CDH26: variants seen among roughly 807,000 people sequenced by gnomAD.
CDH26 encodes cadherin-like protein 26.
Under a neutral mutation model 90.3 loss-of-function variants are expected in CDH26, and 83 were observed. The observed-to-expected ratio is 0.92, with a 90% confidence interval of 0.77 to 1.10. The LOEUF is 1.10. Ranked by LOEUF, CDH26 falls within the 50% of genes least tolerant of loss-of-function variation. The pLI is 0.00. For missense variants in CDH26, 1,013 were observed against 1,037.6 expected, an observed-to-expected ratio of 0.98 and a Z score of 0.33; for synonymous variants, 397 against 396.3, an observed-to-expected ratio of 1.00 and a Z score of -0.02.
chr20:59,967,905 CTTCCTTTCCT>C lies in CDH26; in HGVS notation c.70-1042_70-1033del, dbSNP rs749471979. On this transcript the variant is annotated intron_variant, in intron 1 of 17. Coordinates refer to ENST00000348616, the MANE Select transcript of CDH26 (RefSeq NM_177980.4). ...CCTTCCTTCCTTCCTTCCTTCCTTCCTTCCTTTCCTTTCCTTTCCTTTCCTTTCCCTTTCT... is the reference window on the plus strand; with the variant it reads ...CCTTCCTTCCTTCCTTCCTTCCTTCCTTCCTTTCCTTTCCTTTCCCTTTCT... 1.9e-3 allele frequency among the ~76,000 whole-genome samples: 213 copies of C among 112,160 alleles called. 3 individuals are homozygous for C. In the East Asian group the frequency reaches 0.042, roughly 22 times the overall value. The allele number at this position is 112,160 out of a possible 152,430, so 73.6% of individuals were successfully genotyped here.
At chr20:60,024,771 T>C (rs1278234965) in intron 7 of CDH26, among the ~76,000 whole-genome samples, 1 of 152,230 alleles carries the variant, frequency 6.6e-6, no homozygotes, top group Non-Finnish European at 1.5e-5. Context: ...TCTTCTTTCC[T>C]TATTCTTAAG....
intron 8 of CDH26, among the ~76,000 whole-genome samples, chr20:60,031,730 C>T (rs971771798): frequency 3.3e-5 from 5 of 152,180 alleles, no homozygotes; most frequent in East Asian, 1.9e-4. Flanking sequence ...GTTCTTCCCA[C>T]GCTGGCTCAC....
chr20:59,981,144 T>G (rs745378782), intron 4 of CDH26, among the ~76,000 whole-genome samples: 1 of 152,184 alleles, frequency 6.6e-6, no homozygotes, highest in African/African-American at 2.4e-5. Context: ...ATTTTTATAA[T>G]AAATCTTGAA....
downstream of CDH26, among the ~76,000 whole-genome samples, chr20:60,035,308 C>T (rs1385260730): frequency 6.6e-6 from 1 of 152,188 alleles, no homozygotes; most frequent in Non-Finnish European, 1.5e-5. Context: ...ACAGTCCTAG[C>T]AGTGAAATTC....
At chr20:60,012,036 G>A (rs1265783325) in intron 17 of CDH26, among the ~76,000 whole-genome samples, 6 of 152,076 alleles carry the variant, frequency 3.9e-5, no homozygotes, top group East Asian at 1.9e-4. Context: ...AGTGGTGGCC[G>A]CCCTTTCTTG....
chr20:59,994,713 G>C (rs1198918481), intron 11 of CDH26, among the ~76,000 whole-genome samples: 4 of 152,112 alleles, frequency 2.6e-5, no homozygotes, highest in Non-Finnish European at 5.9e-5. Context: ...TCATCAGGGG[G>C]TAGGAGGCTG....
chr20:60,015,426 C>G (rs2061896791), downstream of CDH26, among the ~76,000 whole-genome samples: 2 of 152,090 alleles, frequency 1.3e-5, no homozygotes, highest in South Asian at 2.1e-4. Flanking sequence ...CATTTTATGT[C>G]TTTTGAGAAA....
intron 11 of CDH26, 48 bp from the exon 12 acceptor site, chr20:59,995,785 G>T: frequency 1.3e-6 from 2 of 1,533,300 alleles, no homozygotes; most frequent in Middle Eastern, 1.7e-4. Context: ...TTGAGCAGAT[G>T]AGCAGATGAG....
At chr20:59,995,789 A>C in intron 11 of CDH26, 44 bp from the exon 12 acceptor site, 1 of 1,546,634 alleles carries the variant, frequency 6.5e-7, no homozygotes, top group Non-Finnish European at 8.9e-7. Context: ...GCAGATGAGC[A>C]GATGAGTGAG....
chr20:59,998,307 C>T (rs954743004), intron 13 of CDH26, among the ~76,000 whole-genome samples: 1 of 152,138 alleles, frequency 6.6e-6, no homozygotes, highest in Non-Finnish European at 1.5e-5. Flanking sequence ...GCAGGAATGT[C>T]ACACAACCTG....
chr20:60,006,862 G>A, intron 17 of CDH26, 75 bp downstream of exon 17: 1 of 1,096,230 alleles, frequency 9.1e-7, no homozygotes, highest in Non-Finnish European at 1.4e-6. Flanking sequence ...CTTGATTTGG[G>A]GACACTTCCT....
chr20:59,995,411 G>A (rs1054921972), intron 11 of CDH26, among the ~76,000 whole-genome samples: 1 of 152,184 alleles, frequency 6.6e-6, no homozygotes, highest in Non-Finnish European at 1.5e-5. Flanking sequence ...TCAGGTGAAC[G>A]TCCCTGACTG....
At chr20:59,984,932 A>C (rs997994144) in intron 6 of CDH26, 69 bp from the exon 7 acceptor site, 34 of 1,582,046 alleles carry the variant, frequency 2.1e-5, no homozygotes, top group African/African-American at 4.1e-5. Context: ...TCCTAAACAG[A>C]ATATTTCTTT....
At chr20:59,988,413 G>T (rs1048883523) in intron 8 of CDH26, among the ~76,000 whole-genome samples, 3 of 152,222 alleles carry the variant, frequency 2.0e-5, no homozygotes, top group African/African-American at 4.8e-5. Context: ...GCTCCCAGGG[G>T]ATGCTGATGG....
chr20:60,007,696 A>G (rs1448097731), intron 17 of CDH26, among the ~76,000 whole-genome samples: 1 of 150,834 alleles, frequency 6.6e-6, no homozygotes, highest in Non-Finnish European at 1.5e-5. Context: ...GAGGGCATCC[A>G]GGGTTCACTT....
At chr20:59,978,420 G>T (rs1431272965) in intron 4 of CDH26, among the ~76,000 whole-genome samples, 1 of 150,862 alleles carries the variant, frequency 6.6e-6, no homozygotes, top group Admixed American at 6.6e-5. Flanking sequence ...CTGTCACCCA[G>T]GCTGGAGTGC....
Position 60,029,778 on chromosome 20 carries a change from T to C in CDH26, c.948-1453T>C, listed in dbSNP as rs146638116. Among the ~76,000 whole-genome samples, 784 of 152,272 alleles carry C rather than the reference T, an allele frequency of 5.1e-3. 6 individuals carry two copies. The highest frequency in any genetic ancestry group is 7.5e-3 in the Non-Finnish European group (511 of 68,016). On this transcript the variant is annotated intron_variant, in intron 7 of 8. Coordinates refer to the CDH26 transcript ENST00000370991. ...GCATTAGTTTGCTGAGAATGATGGC[T>C]TCCAGCTTCATCCACATCCCCGCAA...
At chr20:60,016,513 T>C (rs2061906638), downstream of CDH26, among the ~76,000 whole-genome samples, 1 of 152,160 alleles carries the variant, frequency 6.6e-6, no homozygotes, top group African/African-American at 2.4e-5. Context: ...GAGTTTTTGG[T>C]AGCATCTTTA....
At chr20:59,974,774 G>T (rs1170915976) in intron 4 of CDH26, among the ~76,000 whole-genome samples, 1 of 152,118 alleles carries the variant, frequency 6.6e-6, no homozygotes, top group Non-Finnish European at 1.5e-5. Context: ...GGATTCTGAG[G>T]CATGCCCCAA....
Sources: gnomAD v4.1 joint callset for allele counts (sites outside exome capture counted in the v4.1 genomes callset) on GRCh38, gnomAD v4.1.1 for gene constraint, MANE v1.5 for transcripts, NCBI Gene and HGNC (gene_info 2026-07-23, HGNC 2026-07-21) for gene names.